Variants in TDRD10 observed in about 807,000 individuals in gnomAD.
TDRD10 encodes tudor domain-containing protein 10.
In TDRD10, 40 loss-of-function variants were observed where a neutral mutation model predicts 48.0. That is an observed-to-expected ratio of 0.83 (90% CI 0.65 to 1.09). The LOEUF is 1.09. Ranked by LOEUF, TDRD10 falls within the 50% of genes least tolerant of loss-of-function variation. TDRD10 has a pLI of 0.00. For synonymous variants in TDRD10, 162 were observed against 170.4 expected (o/e 0.95, Z 0.38); for missense variants, 378 against 434.7 (o/e 0.87, Z 1.16).
intron 8 of TDRD10, among the ~76,000 whole-genome samples, 184 bp from the exon 9 acceptor site, chr1:154,543,779 G>C (rs527304395): frequency 4.6e-5 from 7 of 152,092 alleles, no homozygotes; most frequent in Non-Finnish European, 1.0e-4. Flanking sequence ...CCTCTGCCGT[G>C]GACTGGGATT....
chr1:154,520,206 A>T, intron 4 of TDRD10, 98 bp from the exon 5 acceptor site: 2 of 843,378 alleles, frequency 2.4e-6, no homozygotes, highest in Non-Finnish European at 4.0e-6. Flanking sequence ...AGTATGAGTT[A>T]AATTGAGTCC....
chr1:154,535,767 A>G (rs907389732), intron 6 of TDRD10, among the ~76,000 whole-genome samples: 4 of 152,208 alleles, frequency 2.6e-5, no homozygotes, highest in East Asian at 1.9e-4. Flanking sequence ...AAAGCTATGA[A>G]GGAGTGTGTT....
chr1:154,528,774 C>CT (rs1694450658), intron 6 of TDRD10, among the ~76,000 whole-genome samples: 1 of 8,488 alleles, frequency 1.2e-4, no homozygotes, highest in African/African-American at 1.8e-4. Context: ...TGAGATTGCA[C>CT]CACTGCAGGT....
intron 6 of TDRD10, among the ~76,000 whole-genome samples, chr1:154,529,847 T>C (rs1459614188): frequency 6.6e-6 from 1 of 152,098 alleles, no homozygotes; most frequent in East Asian, 1.9e-4. Flanking sequence ...GCCCAGCTTC[T>C]TTCTTACTTT....
chr1:154,544,044 G>C lies in TDRD10; in HGVS notation c.585G>C (p.Glu195Asp). Residue 195 changes from glutamate to aspartate, a missense_variant, in exon 9 of 13, where the codon GAG (glutamate) becomes GAC (aspartate). Transcript: ENST00000368482. ...WLALIHSVRG[E>D]AGLLVTSIVP... ...CACTCATCCATAGCGTCCGTGGGGA[G>C]GCGGGGCTGCTGGTGACGAGTATCG... is the stretch of plus-strand genomic sequence containing the variant. 6.2e-7 allele frequency: 1 copy of C among 1,614,204 alleles called. No homozygotes were observed. Among genetic ancestry groups the C allele is most frequent in the Non-Finnish European group, 8.5e-7 (1 of 1,180,030 alleles).
chr1:154,547,460 C>G lies in TDRD10; in HGVS notation c.1004C>G (p.Thr335Ser). 6.2e-7 allele frequency: 1 copy of G among 1,614,224 alleles called. No homozygotes were observed. The highest frequency in any genetic ancestry group is 1.1e-5 in the South Asian group (1 of 91,082). The change falls in exon 12 of 13, where the codon ACT becomes AGT. Residue 335 changes from threonine to serine, a missense_variant. Thr to Ser is a moderately conservative substitution (Grantham distance 58). Coordinates refer to ENST00000368482, the MANE Select transcript of TDRD10 (RefSeq NM_182499.4). ...CATCGAATCCTCAAAGGGAAAATCACTGGTGCTTTGAACTCGGCGGTAACT... is the reference window on the plus strand; with the variant it reads ...CATCGAATCCTCAAAGGGAAAATCAGTGGTGCTTTGAACTCGGCGGTAACT... ...VVHRILKGKI[T>S]GALNSALHIL...
chr1:154,509,005 T>C (rs932882484), intron 4 of TDRD10, among the ~76,000 whole-genome samples: 17 of 151,672 alleles, frequency 1.1e-4, no homozygotes, highest in African/African-American at 4.1e-4. Flanking sequence ...TATAAAACAA[T>C]ATAAGTGCTT....
chr1:154,522,222 G>C lies in TDRD10; in HGVS notation c.369+743G>C, dbSNP rs112023482. ...AGGGTTCTAGGCAGGAAGAAGGGGAGAAGCAGAGGGCAAAAGGGGCCTGTG... is the reference window on the plus strand; with the variant it reads ...AGGGTTCTAGGCAGGAAGAAGGGGACAAGCAGAGGGCAAAAGGGGCCTGTG... On this transcript the variant is annotated intron_variant, in intron 6 of 12. Transcript: ENST00000368482. Among the ~76,000 whole-genome samples the C allele has an allele frequency of 4.7e-3, 713 of 152,278 alleles. 6 individuals are homozygous for C. Among genetic ancestry groups the C allele is most frequent in the Non-Finnish European group, 7.0e-3 (478 of 68,024 alleles).
At chr1:154,547,581 C>G (rs1473846337) in intron 12 of TDRD10, 97 bp from the exon 13 acceptor site, 16 of 1,614,088 alleles carry the variant, frequency 9.9e-6, no homozygotes, top group Non-Finnish European at 1.3e-5. Flanking sequence ...ATTTACCTGG[C>G]ATTCTTTTAG....
intron 6 of TDRD10, among the ~76,000 whole-genome samples, chr1:154,538,667 C>T (rs1695054830): frequency 6.6e-6 from 1 of 150,876 alleles, no homozygotes; most frequent in African/African-American, 2.4e-5. Context: ...TCCTGACTAA[C>T]ACGGTGAAAC....
chr1:154,544,310 C>A, intron 9 of TDRD10, 62 bp from the exon 10 acceptor site: 1 of 1,549,642 alleles, frequency 6.5e-7, no homozygotes, highest in South Asian at 1.2e-5. Context: ...CAGGTGACGT[C>A]TACGGAGGCA....
intron 6 of TDRD10, among the ~76,000 whole-genome samples, chr1:154,524,596 C>T (rs941220283): frequency 1.3e-5 from 2 of 152,110 alleles, no homozygotes; most frequent in Non-Finnish European, 2.9e-5. Flanking sequence ...ATCTTTTATC[C>T]TATTAAGGGT....
At chr1:154,545,346 A>G (rs1196314548) in intron 11 of TDRD10, among the ~76,000 whole-genome samples, 5 of 152,228 alleles carry the variant, frequency 3.3e-5, no homozygotes, top group Non-Finnish European at 7.3e-5. Context: ...TGCCAGTGCT[A>G]GACGCCAGAG....
chr1:154,532,424 G>A (rs112231452), intron 6 of TDRD10, among the ~76,000 whole-genome samples: 26,051 of 151,918 alleles, frequency 0.17, 2,741 homozygotes, highest in South Asian at 0.23. Flanking sequence ...TGCAAGCACC[G>A]CGCGCAGCCC....
At chr1:154,541,425 G>C (rs2149351009) in intron 6 of TDRD10, among the ~76,000 whole-genome samples, 1 of 152,272 alleles carries the variant, frequency 6.6e-6, no homozygotes, top group East Asian at 1.9e-4. Context: ...AGGTCCTTTG[G>C]AGAGAAGGAA....
At chr1:154,504,323 T>C (rs1261838592) in intron 1 of TDRD10, among the ~76,000 whole-genome samples, 1 of 152,272 alleles carries the variant, frequency 6.6e-6, no homozygotes, top group Non-Finnish European at 1.5e-5. Flanking sequence ...GCAACACTGC[T>C]ATGAATATTT....
Position 154,521,468 on chromosome 1 carries a change from C to T in TDRD10, c.358C>T (p.Arg120Trp), listed in dbSNP as rs1288257739. The change falls in exon 6 of 13, where the codon CGG (arginine) becomes TGG (tryptophan). Residue 120 changes from arginine to tryptophan, a missense_variant. Transcript: ENST00000368482. ...GACCCCTGATATGATCCAGCAGCCT[C>T]GGGCCCCGCTGGTATGTCTTCTGGC... Reference protein sequence around the residue: ...KRTPDMIQQPRAPLVLEKASG... With the variant: ...KRTPDMIQQPWAPLVLEKASG... 5.0e-6 allele frequency: 8 copies of T among 1,613,744 alleles called. No individual in the cohort carries two copies. Among genetic ancestry groups the T allele is most frequent in the East Asian group, 2.2e-5 (1 of 44,898 alleles).
At position 154,508,405 on chromosome 1, in the gene TDRD10, T is replaced by C; in HGVS notation, c.83-18T>C. On this transcript the variant is annotated intron_variant, in intron 3 of 12. Coordinates refer to ENST00000368482, the MANE Select transcript of TDRD10 (RefSeq NM_182499.4). ...AACCGTATGTATGCCTGCCATTTAATGCTGTTTTTCTTCTTAGGATTCAAG... is the reference window on the plus strand; with the variant it reads ...AACCGTATGTATGCCTGCCATTTAACGCTGTTTTTCTTCTTAGGATTCAAG... 1 of 1,576,290 alleles carries C rather than the reference T, an allele frequency of 6.3e-7. No individual in the cohort carries two copies. Among genetic ancestry groups the C allele is most frequent in the Non-Finnish European group, 8.7e-7 (1 of 1,145,560 alleles).
At chr1:154,535,184 T>C (rs1461693494) in intron 6 of TDRD10, among the ~76,000 whole-genome samples, 3 of 152,014 alleles carry the variant, frequency 2.0e-5, no homozygotes, top group Admixed American at 6.6e-5. Flanking sequence ...CTGGCTAACA[T>C]GGTGAAACTC....
Sources: gnomAD v4.1 joint callset for allele counts (sites outside exome capture counted in the v4.1 genomes callset) on GRCh38, gnomAD v4.1.1 for gene constraint, MANE v1.5 for transcripts, NCBI Gene and HGNC (gene_info 2026-07-23, HGNC 2026-07-21) for gene names.